Variants in PON2 observed in about 807,000 individuals in gnomAD.
The protein encoded by PON2 is serum paraoxonase/arylesterase 2.
In PON2, 27 loss-of-function variants were observed where a neutral mutation model predicts 36.6. That is an observed-to-expected ratio of 0.74 (90% CI 0.54 to 1.02). The LOEUF (loss-of-function observed/expected upper bound fraction) is 1.02. Ranked by LOEUF, PON2 falls within the 50% of genes least tolerant of loss-of-function variation. PON2 has a pLI of 0.00. For synonymous variants in PON2, 149 were observed against 156.3 expected, an observed-to-expected ratio of 0.95 and a Z score of 0.35; for missense variants, 363 against 421.1, an observed-to-expected ratio of 0.86 and a Z score of 1.21.
chr7:95,434,427 T>G, intron 1 of PON2: 1 of 168,374 alleles, frequency 5.9e-6, no homozygotes, highest in Non-Finnish European at 1.3e-5. Flanking sequence ...CAGAAATGGG[T>G]GGAGAACAAC....
intron 1 of PON2, among the ~76,000 whole-genome samples, chr7:95,426,654 T>C (rs1354389411): frequency 2.6e-5 from 4 of 152,250 alleles, no homozygotes; most frequent in East Asian, 1.9e-4. Context: ...TTAATCTCTA[T>C]AGGTGTCAGT....
chr7:95,416,934 A>G (rs141614354), intron 2 of PON2, among the ~76,000 whole-genome samples: 9 of 152,344 alleles, frequency 5.9e-5, no homozygotes, highest in African/African-American at 2.2e-4. Context: ...GAGGCAGGCT[A>G]CAATTACTAT....
chr7:95,406,141 G>C lies in PON2; in HGVS notation c.884C>G (p.Pro295Arg), dbSNP rs771860411. ...PNGQKLFVYD[P>R]NNPPSSEVLR... ...AACCTCTGACGAGGGAGGATTGTTC[G>C]GGTCATACACGAAGAGCTTCTGGCC... is the stretch of plus-strand genomic sequence containing the variant. The change falls in exon 8 of 9, where the codon CCG (proline) becomes CGG (arginine). Residue 295 changes from proline (P) to arginine (R), a missense_variant. Physicochemically the swap from Pro to Arg is moderately radical, Grantham distance 103. Transcript: ENST00000222572. 36 of 1,613,584 alleles carry C rather than the reference G, an allele frequency of 2.2e-5. No individual in the cohort carries two copies. Among genetic ancestry groups the C allele is most frequent in the Non-Finnish European group, 5.1e-6 (6 of 1,179,736 alleles).
chr7:95,412,253 TCA>T (rs1788944279), intron 4 of PON2, 57 bp downstream of exon 4: 2 of 1,583,966 alleles, frequency 1.3e-6, no homozygotes, highest in East Asian at 4.5e-5. Flanking sequence ...AATCTATTTT[TCA>T]CAGTCATTTG....
Position 95,434,758 on chromosome 7 carries a change from C to A in PON2, c.74+120G>T, listed in dbSNP as rs1789523816. The A allele has an allele frequency of 1.4e-5, 16 of 1,140,600 alleles. No individual in the cohort carries two copies. The South Asian group carries it at 2.3e-4, about 16-fold the overall frequency. The allele number at this position is 1,140,600 out of a possible 1,614,324, so 70.7% of individuals were successfully genotyped here. ...AGGGACAGCATTCAAAAATTCTCCA[C>A]CCCCGGCCGCAGGGCCAGGTCCCGC... On this transcript the variant is annotated intron_variant, in intron 1 of 8. Transcript: ENST00000222572.
intron 5 of PON2, among the ~76,000 whole-genome samples, chr7:95,410,660 T>C (rs1387125899): frequency 6.6e-6 from 1 of 152,192 alleles, no homozygotes; most frequent in African/African-American, 2.4e-5. Context: ...ATGATAAAAT[T>C]GCCATAGTAC....
intron 3 of PON2, among the ~76,000 whole-genome samples, chr7:95,414,840 C>G (rs540007784): frequency 5.9e-5 from 9 of 152,298 alleles, no homozygotes; most frequent in Non-Finnish European, 7.4e-5. Context: ...ATAAAACATT[C>G]CTTTTAAAAC....
At chr7:95,424,406 A>G in intron 2 of PON2, 109 bp downstream of exon 2, 2 of 887,648 alleles carry the variant, frequency 2.3e-6, no homozygotes, top group South Asian at 2.7e-5. Context: ...ATCTAATGTG[A>G]TTTATCCACT....
rs1378476769 is a variant in PON2, at chr7:95,413,718, C to T, written c.202-1241G>A. ...CACTACCTAATTCAGTTTACTAATA[C>T]GATGCAGTCATATTTACACAAATTT... On this transcript the variant is annotated intron_variant, in intron 3 of 8. Coordinates refer to ENST00000222572, the MANE Select transcript of PON2 (RefSeq NM_000305.3). Among the ~76,000 whole-genome samples the T allele has an allele frequency of 2.6e-5, 4 of 151,990 alleles. No individual in the cohort carries two copies. In the East Asian group the frequency reaches 7.7e-4, roughly 29 times the overall value.
In PON2 at chr7:95,406,102, A is replaced by T; in HGVS notation, c.906+17T>A. 6.2e-7 allele frequency: 1 copy of T among 1,611,680 alleles called. No homozygotes were observed. The highest frequency in any genetic ancestry group is 8.5e-7 in the Non-Finnish European group (1 of 1,178,106). On this transcript the variant is annotated intron_variant, in intron 8 of 8. Transcript: ENST00000222572. ...GGACTTGAATAATTAAGTTTAAAAA[A>T]CTGAAAATATAAAAACCTCTGACGA...
At position 95,430,474 on chromosome 7, in the gene PON2, A is replaced by T. The variant is rs990212713; in HGVS notation, c.74+4404T>A. The stretch of plus-strand genomic sequence containing the variant: ...TGCCACCGTGCCTGGCTAATTTTGT[A>T]TTTTTAGTAGAGATGGGGTTTCACC... On this transcript the variant is annotated intron_variant, in intron 1 of 8. Coordinates refer to ENST00000222572, the MANE Select transcript of PON2 (RefSeq NM_000305.3). Among the ~76,000 whole-genome samples the T allele has an allele frequency of 4.6e-5, 7 of 151,502 alleles. No homozygotes were observed. In the East Asian group the frequency reaches 1.4e-3, roughly 29 times the overall value.
At chr7:95,424,212 C>T (rs1401814321) in intron 2 of PON2, 4 of 395,024 alleles carry the variant, frequency 1.0e-5, no homozygotes, top group Middle Eastern at 7.9e-4. Flanking sequence ...CAGACTGCAG[C>T]GGCCATACCT....
In PON2 at chr7:95,406,996, A is replaced by G; in HGVS notation, c.768T>C (p.Thr256=). The G allele has an allele frequency of 6.5e-7, 1 of 1,538,514 alleles. No homozygotes were observed. Among genetic ancestry groups the G allele is most frequent in the Non-Finnish European group, 9.0e-7 (1 of 1,112,828 alleles). ...AAAATAAATATTTTACCTTCAACTGAGTTAAATTCATATTAGTGTGTTTTT... is the reference window on the plus strand; with the variant it reads ...AAAATAAATATTTTACCTTCAACTGGGTTAAATTCATATTAGTGTGTTTTT... ...VLEKHTNMNL[T]QLKVLELDTL... The change falls in exon 7 of 9, where the codon ACT becomes ACC. Residue 256 remains threonine, a synonymous_variant. Coordinates refer to ENST00000222572, the MANE Select transcript of PON2 (RefSeq NM_000305.3).
chr7:95,424,472 C>T, intron 2 of PON2, 43 bp downstream of exon 2: 1 of 1,529,830 alleles, frequency 6.5e-7, no homozygotes, highest in Non-Finnish European at 9.1e-7. Context: ...ATGTTAATGG[C>T]CAAAAAATGC....
At chr7:95,417,043 C>A (rs533315935) in intron 2 of PON2, among the ~76,000 whole-genome samples, 1 of 152,232 alleles carries the variant, frequency 6.6e-6, no homozygotes, top group Admixed American at 6.5e-5. Context: ...ATTCTACAGA[C>A]AGATAATAGA....
intron 8 of PON2, 127 bp downstream of exon 8, chr7:95,405,992 C>A: frequency 8.8e-7 from 1 of 1,130,448 alleles, no homozygotes; most frequent in Non-Finnish European, 1.3e-6. Flanking sequence ...AATTACAAAA[C>A]CACGACATAA....
intron 1 of PON2, among the ~76,000 whole-genome samples, chr7:95,430,410 C>A (rs1211453940): frequency 6.6e-6 from 1 of 151,850 alleles, no homozygotes; most frequent in Non-Finnish European, 1.5e-5. Flanking sequence ...AAGTGATTCT[C>A]CTGCCTCAGC....
intron 7 of PON2, among the ~76,000 whole-genome samples, chr7:95,406,753 G>A: frequency 6.6e-6 from 1 of 152,066 alleles, no homozygotes; most frequent in East Asian, 1.9e-4. Flanking sequence ...ATACTTCATG[G>A]AATGGGCCCT....
At chr7:95,416,779 G>A (rs1172847985) in intron 2 of PON2, among the ~76,000 whole-genome samples, 1 of 152,134 alleles carries the variant, frequency 6.6e-6, no homozygotes, top group Non-Finnish European at 1.5e-5. Flanking sequence ...TTTAAAAACA[G>A]TGCCTACTTG....
Sources: allele counts gnomAD v4.1 joint callset (sites outside exome capture counted in the v4.1 genomes callset), GRCh38; gene constraint gnomAD v4.1.1; transcripts MANE v1.5; gene names NCBI Gene and HGNC (gene_info 2026-07-23, HGNC 2026-07-21).